Variants in TACR1 observed in about 807,000 individuals in gnomAD.
TACR1 encodes tachykinin receptor 1, also known as substance-P receptor.
A neutral mutation model predicts 35.8 loss-of-function variants in TACR1; 25 were observed. That is an observed-to-expected ratio of 0.70 (90% confidence interval 0.51 to 0.98). The LOEUF (loss-of-function observed/expected upper bound fraction) is 0.98, where lower values mean the gene tolerates loss of function less well. Ranked by LOEUF, TACR1 falls within the 50% of genes least tolerant of loss-of-function variation. The pLI, the probability that TACR1 is intolerant of heterozygous loss-of-function variation, is 0.00. For missense variants in TACR1, 478 were observed against 522.9 expected (o/e 0.91, Z 0.84); for synonymous variants, 195 against 206.7 (o/e 0.94, Z 0.48).
At chr2:75,196,622 C>T (rs892572601) in intron 1 of TACR1, among the ~76,000 whole-genome samples, 5 of 152,158 alleles carry the variant, frequency 3.3e-5, no homozygotes, top group African/African-American at 9.7e-5. Flanking sequence ...ATCTGGCTCC[C>T]TGCCCAATCC....
chr2:75,086,891 C>T (rs1056474153), intron 2 of TACR1, among the ~76,000 whole-genome samples: 13 of 152,068 alleles, frequency 8.5e-5, no homozygotes, highest in African/African-American at 3.1e-4. Flanking sequence ...GTCAATGTGA[C>T]AATGACTTTC....
At chr2:75,071,653 T>C (rs571616524) in intron 2 of TACR1, among the ~76,000 whole-genome samples, 3 of 152,358 alleles carry the variant, frequency 2.0e-5, no homozygotes, top group Admixed American at 2.0e-4. Flanking sequence ...TGATCATTGA[T>C]ACAAATGACC....
At chr2:75,197,649 C>T (rs1164752995) in intron 1 of TACR1, among the ~76,000 whole-genome samples, 1 of 152,188 alleles carries the variant, frequency 6.6e-6, no homozygotes, top group Non-Finnish European at 1.5e-5. Context: ...AATACCATCC[C>T]CAGTGTTTGA....
intron 2 of TACR1, among the ~76,000 whole-genome samples, chr2:75,071,031 C>G (rs1672866869): frequency 6.6e-6 from 1 of 152,118 alleles, no homozygotes; most frequent in African/African-American, 2.4e-5. Flanking sequence ...GTGTCAATAT[C>G]TGTAAATAAA....
intron 2 of TACR1, among the ~76,000 whole-genome samples, chr2:75,120,201 T>C (rs968969271): frequency 6.6e-6 from 1 of 152,190 alleles, no homozygotes; most frequent in African/African-American, 2.4e-5. Context: ...ATTCCCCACC[T>C]TCCTGCAACC....
intron 1 of TACR1, among the ~76,000 whole-genome samples, chr2:75,179,749 AG>A (rs1235136183): frequency 1.3e-5 from 2 of 152,216 alleles, no homozygotes; most frequent in African/African-American, 2.4e-5. Flanking sequence ...CAAGGAGCTC[AG>A]GTTGAGATGG....
At chr2:75,136,959 G>T (rs1436993764) in intron 1 of TACR1, among the ~76,000 whole-genome samples, 3 of 152,100 alleles carry the variant, frequency 2.0e-5, no homozygotes, top group African/African-American at 7.2e-5. Context: ...CTTAGGCCGG[G>T]GTCTCAATCA....
At chr2:75,059,873 A>C (rs1232911256) in intron 2 of TACR1, among the ~76,000 whole-genome samples, 1 of 152,204 alleles carries the variant, frequency 6.6e-6, no homozygotes, top group Non-Finnish European at 1.5e-5. Context: ...GCATGGTGCT[A>C]GATGCTTGAC....
chr2:75,076,019 G>A (rs1672969773), intron 2 of TACR1, among the ~76,000 whole-genome samples: 1 of 152,200 alleles, frequency 6.6e-6, no homozygotes, highest in African/African-American at 2.4e-5. Context: ...AACCATAGTG[G>A]GAGATTTAAA....
chr2:75,110,214 C>T (rs866634904), intron 2 of TACR1, among the ~76,000 whole-genome samples: 49 of 151,828 alleles, frequency 3.2e-4, no homozygotes, highest in Middle Eastern at 3.4e-3. Context: ...GGAACAGTGT[C>T]TTAAGAATTT....
intron 1 of TACR1, among the ~76,000 whole-genome samples, chr2:75,135,514 C>G (rs543356943): frequency 3.1e-4 from 47 of 152,304 alleles, no homozygotes; most frequent in African/African-American, 1.1e-3. Flanking sequence ...TGTCCCGGCG[C>G]CCGTGCTATC....
At chr2:75,181,061 C>T (rs1268876013) in intron 1 of TACR1, among the ~76,000 whole-genome samples, 1 of 152,178 alleles carries the variant, frequency 6.6e-6, no homozygotes, top group African/African-American at 2.4e-5. Context: ...TCTTTACTCT[C>T]TTGCAAACAT....
chr2:75,071,429 T>G lies in TACR1; in HGVS notation c.585-17674A>C, dbSNP rs369561841. Among the ~76,000 whole-genome samples the G allele has an allele frequency of 4.5e-4, 68 of 152,368 alleles. 8 individuals carry two copies. Among genetic ancestry groups the G allele is most frequent in the East Asian group, 3.9e-3 (20 of 5,194 alleles). ...TGCTGGGAGATTCTCTGAACCAGTATGGTCTTCCTAATCCCTTCCCGCTCT... is the reference window on the plus strand; with the variant it reads ...TGCTGGGAGATTCTCTGAACCAGTAGGGTCTTCCTAATCCCTTCCCGCTCT... On this transcript the variant is annotated intron_variant, in intron 2 of 4. Coordinates refer to ENST00000305249, the MANE Select transcript of TACR1 (RefSeq NM_001058.4).
chr2:75,188,835 T>A (rs528701857), intron 1 of TACR1: 1 of 152,304 alleles, frequency 6.6e-6, no homozygotes, highest in East Asian at 1.9e-4. Flanking sequence ...AGAGTACAGG[T>A]TGGAACCATA....
chr2:75,148,783 T>A (rs949012305), intron 1 of TACR1, among the ~76,000 whole-genome samples: 1 of 152,230 alleles, frequency 6.6e-6, no homozygotes, highest in African/African-American at 2.4e-5. Flanking sequence ...GTTTTCATCA[T>A]GAAATCTTTG....
intron 1 of TACR1, among the ~76,000 whole-genome samples, chr2:75,135,704 C>T (rs1674273961): frequency 6.6e-6 from 1 of 152,164 alleles, no homozygotes; most frequent in Admixed American, 6.5e-5. Flanking sequence ...CTGTAGTCCC[C>T]ACATGCTAAT....
chr2:75,121,024 A>G (rs1251621943), intron 1 of TACR1, among the ~76,000 whole-genome samples: 1 of 152,216 alleles, frequency 6.6e-6, no homozygotes, highest in Non-Finnish European at 1.5e-5. Flanking sequence ...AAGGAGAGAC[A>G]TTTTCATCAT....
intron 2 of TACR1, among the ~76,000 whole-genome samples, chr2:75,110,751 TTA>T (rs1472641966): frequency 7.4e-6 from 1 of 134,886 alleles, no homozygotes; most frequent in Admixed American, 8.2e-5. Context: ...AATCAATCTT[TTA>T]TGATTTGATA....
intron 2 of TACR1, among the ~76,000 whole-genome samples, chr2:75,102,909 A>G (rs1055752914): frequency 6.6e-6 from 1 of 152,164 alleles, no homozygotes; most frequent in South Asian, 2.1e-4. Context: ...ATAAAAATAT[A>G]TAGAGATGAC....
Sources: gnomAD v4.1 joint callset for allele counts (sites outside exome capture counted in the v4.1 genomes callset) on GRCh38, gnomAD v4.1.1 for gene constraint, MANE v1.5 for transcripts, NCBI Gene and HGNC (gene_info 2026-07-23, HGNC 2026-07-21) for gene names.